The following NOTCH2 variants were observed in gnomAD, a reference collection of about 807,000 sequenced individuals.
The protein encoded by NOTCH2 is notch receptor 2, also known as neurogenic locus notch homolog protein 2.
A neutral mutation model predicts 235.8 loss-of-function variants in NOTCH2; 29 were observed. The observed-to-expected ratio is 0.12, with a 90% CI of 0.09 to 0.17. The LOEUF (loss-of-function observed/expected upper bound fraction) is 0.17, where lower values mean the gene tolerates loss of function less well. NOTCH2 is among the 10% of genes least tolerant of loss of function. The pLI is 1.00. For missense variants in NOTCH2, 2,285 were observed against 3,150.2 expected, an observed-to-expected ratio of 0.73 and a Z score of 6.57; for synonymous variants, 1,086 against 1,141.5, an observed-to-expected ratio of 0.95 and a Z score of 0.98.
Position 119,968,242 on chromosome 1 carries a change from G to A in NOTCH2, c.1109-10C>T. ...AGATGACACAGGAGACCTGTCACAG[G>A]GTGGGGCAAAGGACAACTAAGAGAA... On this transcript the variant is annotated splice_polypyrimidine_tract_variant and intron_variant, in intron 6 of 33. Coordinates refer to ENST00000256646, the MANE Select transcript of NOTCH2 (RefSeq NM_024408.4). 1.2e-6 allele frequency: 2 copies of A among 1,613,374 alleles called. No individual in the cohort carries two copies. The highest frequency in any genetic ancestry group is 1.7e-6 in the Non-Finnish European group (2 of 1,179,756).
At chr1:119,921,896 C>G in intron 28 of NOTCH2, 87 bp from the exon 29 acceptor site, 2 of 1,130,610 alleles carry the variant, frequency 1.8e-6, no homozygotes, top group Admixed American at 3.6e-5. Context: ...GACACACTCC[C>G]GTGGCTATAT....
At chr1:119,917,634 C>T in intron 33 of NOTCH2, 31 bp downstream of exon 33, 1 of 1,387,300 alleles carries the variant, frequency 7.2e-7, no homozygotes, top group Non-Finnish European at 1.0e-6. Context: ...CTGCTATGAG[C>T]CTCCTCAAGC....
At chr1:119,941,250 A>T (rs1437448247) in intron 18 of NOTCH2, among the ~76,000 whole-genome samples, 2 of 152,252 alleles carry the variant, frequency 1.3e-5, no homozygotes, top group African/African-American at 2.4e-5. Context: ...AATGAATGAG[A>T]GGCCAAGGGA....
intron 1 of NOTCH2, among the ~76,000 whole-genome samples, chr1:120,065,715 G>C (rs587633561): frequency 1.3e-5 from 2 of 152,180 alleles, no homozygotes; most frequent in South Asian, 2.1e-4. Flanking sequence ...CATACGGTAG[G>C]CTGACAAAGA....
At chr1:120,028,755 C>A (rs1259887433) in intron 2 of NOTCH2, among the ~76,000 whole-genome samples, 2 of 133,842 alleles carry the variant, frequency 1.5e-5, no homozygotes, top group African/African-American at 6.0e-5. Flanking sequence ...TAAGCAAGTA[C>A]CTCCACCAAA....
chr1:119,954,568 G>A (rs1039370900), intron 13 of NOTCH2, among the ~76,000 whole-genome samples: 2 of 152,144 alleles, frequency 1.3e-5, no homozygotes, highest in Non-Finnish European at 2.9e-5. Context: ...AGTCTGTGGG[G>A]CTTAAAAATT....
intron 11 of NOTCH2, among the ~76,000 whole-genome samples, chr1:119,961,232 G>A (rs1553198941): frequency 6.6e-6 from 1 of 152,152 alleles, no homozygotes; most frequent in African/African-American, 2.4e-5. Context: ...CATGATTAAT[G>A]AGGCTATACT....
chr1:119,958,451 C>CT (rs1278670514), intron 12 of NOTCH2, among the ~76,000 whole-genome samples: 1 of 152,242 alleles, frequency 6.6e-6, no homozygotes, highest in African/African-American at 2.4e-5. Flanking sequence ...TCTGCAGACT[C>CT]TATCAAAAAC....
chr1:119,916,206 G>A lies in NOTCH2; in HGVS notation c.6516C>T (p.Ser2172=), dbSNP rs587733506. The change falls in exon 34 of 34, where the codon TCC becomes TCT. Residue 2172 remains serine, a synonymous_variant. Coordinates refer to ENST00000256646, the MANE Select transcript of NOTCH2 (RefSeq NM_024408.4). ...SDTTSSPMIT[S]PGILQASPNP... is the part of the protein sequence containing the mutation. ...TGGGTGAGGCCTGTAAGATCCCAGGGGATGTAATCATTGGAGAGGATGTGG... is the reference window on the plus strand; with the variant it reads ...TGGGTGAGGCCTGTAAGATCCCAGGAGATGTAATCATTGGAGAGGATGTGG... 178 of 1,614,226 alleles carry A rather than the reference G, an allele frequency of 1.1e-4. 1 individual carries two copies. In the South Asian group the frequency reaches 1.7e-3, roughly 15 times the overall value.
At chr1:119,929,707 T>G (rs1209325402) in intron 22 of NOTCH2, among the ~76,000 whole-genome samples, 2 of 152,262 alleles carry the variant, frequency 1.3e-5, no homozygotes, top group Admixed American at 6.5e-5. Flanking sequence ...AGTAACATCA[T>G]AGCCTTGTAA....
Position 119,916,391 on chromosome 1 carries a change from T to C in NOTCH2, c.6331A>G (p.Thr2111Ala), listed in dbSNP as rs752915446. The C allele has an allele frequency of 1.2e-5, 19 of 1,614,078 alleles. No individual in the cohort carries two copies. Among genetic ancestry groups the C allele is most frequent in the Middle Eastern group, 1.6e-4 (1 of 6,084 alleles). ...KKSRRPSAKS[T>A]MPTSLPNLAK... is the part of the protein sequence containing the mutation. ...AGGTTAGGGAGGCTAGTAGGCATGG[T>C]ACTCTTGGCACTGGGCCGTCTAGAC... Residue 2111 changes from threonine (T) to alanine (A), a missense_variant, in exon 34 of 34, where the codon ACC becomes GCC. Transcript: ENST00000256646.
Position 119,926,583 on chromosome 1 carries a change from C to T in NOTCH2, c.3921G>A (p.Val1307=). ...TGRHCETFVD[V]CPQMPCLNGG... ...CATTCAGGCAGGGCATCTGGGGACA[C>T]ACATCGACGAAGGTTTCACAGTGCC... Residue 1307 remains valine, a synonymous_variant, in exon 24 of 34, where the codon GTG becomes GTA. Transcript: ENST00000256646. The T allele has an allele frequency of 6.2e-7, 1 of 1,609,056 alleles. No individual in the cohort carries two copies. Among genetic ancestry groups the T allele is most frequent in the Non-Finnish European group, 8.5e-7 (1 of 1,177,260 alleles).
chr1:119,955,332 C>T (rs188878367), intron 12 of NOTCH2, 100 bp from the exon 13 acceptor site: 1,348 of 1,246,784 alleles, frequency 1.1e-3, no homozygotes, highest in Non-Finnish European at 1.4e-3. Flanking sequence ...TCTGCTCAGG[C>T]CATAAGGTGC....
At chr1:119,999,972 A>AAAGAAAGG (rs1188101095) in intron 3 of NOTCH2, among the ~76,000 whole-genome samples, 11 of 61,650 alleles carry the variant, frequency 1.8e-4, no homozygotes, top group African/African-American at 5.9e-4. Flanking sequence ...AGAAAGAAAG[A>AAAGAAAGG]AAGAAAGGAA....
intron 11 of NOTCH2, 40 bp downstream of exon 11, chr1:119,963,534 A>G (rs1570696924): frequency 6.6e-7 from 1 of 1,519,372 alleles, no homozygotes; most frequent in Non-Finnish European, 9.1e-7. Context: ...TTTGAGAAAC[A>G]GTGAAAACCC....
At chr1:119,971,105 G>A (rs1401824136) in intron 5 of NOTCH2, among the ~76,000 whole-genome samples, 2 of 152,210 alleles carry the variant, frequency 1.3e-5, no homozygotes, top group Admixed American at 1.3e-4. Context: ...CTGACTGCCT[G>A]TTCTTTATTC....
Position 119,955,196 on chromosome 1 carries a change from G to C in NOTCH2, c.2063C>G (p.Ser688Cys). Residue 688 changes from serine (S) to cysteine (C), a missense_variant, in exon 13 of 34, where the codon TCC (serine) becomes TGC (cysteine). By Grantham distance (112) the Ser-to-Cys change is moderately radical. This residue lies in a region of NOTCH2 where 1,173 missense variants were observed against 1,515.3 expected (regional missense o/e 0.77). Transcript: ENST00000256646. ...RCNIDIDECA[S>C]NPCRKGATCI... Reference sequence around the variant, plus strand: ...TGTTGCACCCTTGCGACAGGGATTGGAGGCACACTCATCAATGTCAATGTT... The same window carrying C: ...TGTTGCACCCTTGCGACAGGGATTGCAGGCACACTCATCAATGTCAATGTT... 6 of 1,614,146 alleles carry C rather than the reference G, an allele frequency of 3.7e-6. No individual in the cohort carries two copies. Among genetic ancestry groups the C allele is most frequent in the Non-Finnish European group, 5.1e-6 (6 of 1,180,000 alleles).
chr1:119,936,121 G>T (rs1424183806), intron 21 of NOTCH2, among the ~76,000 whole-genome samples: 2 of 152,176 alleles, frequency 1.3e-5, no homozygotes, highest in African/African-American at 2.4e-5. Context: ...TGGCTGTAGG[G>T]GTTGGAAGGA....
intron 5 of NOTCH2, among the ~76,000 whole-genome samples, chr1:119,971,331 C>T (rs1651353854): frequency 6.6e-6 from 1 of 152,194 alleles, no homozygotes; most frequent in Admixed American, 6.5e-5. Flanking sequence ...TAACTCCAGC[C>T]ATATAATTCT....
Sources: gnomAD v4.1 joint callset for allele counts (sites outside exome capture counted in the v4.1 genomes callset) on GRCh38, gnomAD v4.1.1 for gene constraint, gnomAD v4.1.1 regional missense constraint, MANE v1.5 for transcripts, NCBI Gene and HGNC (gene_info 2026-07-23, HGNC 2026-07-21) for gene names.